The following PRORP variants were observed in gnomAD, a reference collection of about 807,000 sequenced individuals.
PRORP encodes mitochondrial ribonuclease P catalytic subunit.
Under a neutral mutation model 59.4 loss-of-function variants are expected in PRORP, and 51 were observed. The ratio of observed to expected loss-of-function variants is 0.86; its 90% CI spans 0.69 to 1.08. The LOEUF is 1.08. PRORP is among the 50% of genes least tolerant of loss of function. The pLI is 0.00. For missense variants in PRORP, 646 were observed against 690.3 expected (o/e 0.94, Z 0.72); for synonymous variants, 231 against 245.6 (o/e 0.94, Z 0.55).
chr14:35,187,532 C>T (rs372532276), intron 5 of PRORP, among the ~76,000 whole-genome samples: 39 of 150,930 alleles, frequency 2.6e-4, no homozygotes, highest in African/African-American at 9.2e-4. Flanking sequence ...AAGCAATTCT[C>T]GTGGCTCAGA....
intron 4 of PRORP, among the ~76,000 whole-genome samples, chr14:35,177,386 G>A (rs1344616621): frequency 6.6e-6 from 1 of 151,884 alleles, no homozygotes; most frequent in Admixed American, 6.6e-5. Flanking sequence ...ACTTTTTTTG[G>A]TTTGTAGGCT....
In PRORP at chr14:35,167,483, C is replaced by G. The variant is rs570127347; in HGVS notation, c.1168-13187C>G. On this transcript the variant is annotated intron_variant, in intron 4 of 7. Coordinates refer to ENST00000534898, the MANE Select transcript of PRORP (RefSeq NM_014672.4). ...AGGAGAACTCTCCCAAACATCTCTT[C>G]TCTTTAGTTTACAGTACTGTTGCCA... 3.9e-5 allele frequency among the ~76,000 whole-genome samples: 6 copies of G among 152,314 alleles called. No homozygotes were observed. The South Asian group carries it at 1.2e-3, about 32-fold the overall frequency.
chr14:35,246,944 A>G lies in PRORP; in HGVS notation c.1276-19783A>G, dbSNP rs1026336866. On this transcript the variant is annotated intron_variant, in intron 5 of 7. Transcript: ENST00000534898. ...CTAATCCCGTCCCGATTGCGTAGTA[A>G]TAGCTAACATTTATTGAGTATTTTC... 5.3e-5 allele frequency among the ~76,000 whole-genome samples: 8 copies of G among 152,242 alleles called. No homozygotes were observed. The East Asian group carries it at 1.5e-3, about 29-fold the overall frequency.
chr14:35,217,908 G>A (rs1487749471), intron 5 of PRORP, among the ~76,000 whole-genome samples: 2 of 152,032 alleles, frequency 1.3e-5, no homozygotes, highest in Non-Finnish European at 2.9e-5. Flanking sequence ...TTTCTAAGTT[G>A]TTTTGGCTAT....
intron 4 of PRORP, chr14:35,157,982 T>C: frequency 4.7e-6 from 1 of 212,140 alleles, no homozygotes; most frequent in Non-Finnish European, 1.0e-5. Context: ...CTTCCCAGTT[T>C]GCATCCTCAT....
chr14:35,210,409 C>A (rs2049408380), intron 5 of PRORP, among the ~76,000 whole-genome samples: 2 of 152,030 alleles, frequency 1.3e-5, no homozygotes, highest in South Asian at 4.1e-4. Context: ...GGTACAAAGT[C>A]ATATAAAATA....
intron 5 of PRORP, among the ~76,000 whole-genome samples, chr14:35,260,275 G>GAAAAAATAAAATT (rs1181895939): frequency 2.0e-5 from 3 of 151,888 alleles, no homozygotes; most frequent in Non-Finnish European, 4.4e-5. Context: ...AAGAAAGAAA[G>GAAAAAATAAAATT]AAAAAATAAA....
intron 5 of PRORP, among the ~76,000 whole-genome samples, chr14:35,210,750 C>CTTTTTTTTTTTTTTTTTTTT (rs71435870): frequency 8.8e-5 from 3 of 34,068 alleles, no homozygotes; most frequent in Non-Finnish European, 1.5e-4. Flanking sequence ...TTTCTTTTGC[C>CTTTTTTTTTTTTTTTTTTTT]TTTTTTTTTT....
chr14:35,132,599 A>G (rs914914615), intron 4 of PRORP, among the ~76,000 whole-genome samples: 2 of 152,158 alleles, frequency 1.3e-5, no homozygotes, highest in Non-Finnish European at 2.9e-5. Flanking sequence ...AGCCTGGCCA[A>G]CATGGTGAAA....
chr14:35,150,723 A>G (rs1038725607), intron 4 of PRORP, among the ~76,000 whole-genome samples: 27 of 152,152 alleles, frequency 1.8e-4, no homozygotes, highest in African/African-American at 5.6e-4. Flanking sequence ...AAGGAAATGA[A>G]AATTATGTGT....
intron 4 of PRORP, among the ~76,000 whole-genome samples, chr14:35,136,170 T>A (rs1014287459): frequency 6.6e-6 from 1 of 151,908 alleles, no homozygotes; most frequent in Non-Finnish European, 1.5e-5. Context: ...TTTGAGAACA[T>A]TTTAGGAGAT....
intron 5 of PRORP, among the ~76,000 whole-genome samples, chr14:35,243,971 G>T (rs1314919666): frequency 6.6e-6 from 1 of 152,048 alleles, no homozygotes; most frequent in African/African-American, 2.4e-5. Flanking sequence ...AAAAAAAGAG[G>T]CTTAAAACAG....
In PRORP at chr14:35,270,471, G is replaced by C; in HGVS notation, c.1495G>C (p.Asp499His). ...SGNHCRFITRDLMRDHKACLP... is the reference protein window; with the variant it reads ...SGNHCRFITRHLMRDHKACLP... ...GAATCACTGCAGGTTTATCACAAGAGACCTGATGCGGGACCACAAGGCCTG... is the reference window on the plus strand; with the variant it reads ...GAATCACTGCAGGTTTATCACAAGACACCTGATGCGGGACCACAAGGCCTG... Residue 499 changes from aspartate (D) to histidine (H), a missense_variant, in exon 7 of 8, where the codon GAC (aspartate) becomes CAC (histidine). Coordinates refer to ENST00000534898, the MANE Select transcript of PRORP (RefSeq NM_014672.4). The C allele has an allele frequency of 6.2e-7, 1 of 1,614,128 alleles. No individual in the cohort carries two copies. Among genetic ancestry groups the C allele is most frequent in the Non-Finnish European group, 8.5e-7 (1 of 1,180,018 alleles).
At chr14:35,152,379 C>CT (rs2047780155) in intron 4 of PRORP, among the ~76,000 whole-genome samples, 2 of 152,058 alleles carry the variant, frequency 1.3e-5, no homozygotes, top group South Asian at 4.2e-4. Flanking sequence ...TTTTCCCCAC[C>CT]TTTCCCCCTT....
At chr14:35,193,554 G>A (rs556266529) in intron 5 of PRORP, among the ~76,000 whole-genome samples, 16 of 150,776 alleles carry the variant, frequency 1.1e-4, no homozygotes, top group Non-Finnish European at 2.2e-4. Context: ...ATAACCTCTT[G>A]TAAAAGTTTC....
intron 5 of PRORP, among the ~76,000 whole-genome samples, chr14:35,200,377 A>G (rs2049117192): frequency 1.3e-5 from 2 of 152,008 alleles, no homozygotes; most frequent in Admixed American, 6.6e-5. Flanking sequence ...TTTTTAGTAG[A>G]GGCAGGGTTT....
chr14:35,191,771 A>G (rs900961115), intron 5 of PRORP, among the ~76,000 whole-genome samples: 8 of 152,144 alleles, frequency 5.3e-5, no homozygotes, highest in Non-Finnish European at 1.2e-4. Context: ...TGGCACTACT[A>G]TCCACCAAAT....
chr14:35,188,830 G>C (rs1052030798), intron 5 of PRORP, among the ~76,000 whole-genome samples: 3 of 151,532 alleles, frequency 2.0e-5, no homozygotes, highest in Admixed American at 6.6e-5. Context: ...ACAAAAATTA[G>C]CTGGGTGTGG....
At chr14:35,169,509 T>G (rs148747242) in intron 4 of PRORP, among the ~76,000 whole-genome samples, 7 of 150,626 alleles carry the variant, frequency 4.6e-5, no homozygotes, top group African/African-American at 1.2e-4. Flanking sequence ...TTAGGAAACT[T>G]ACAATGATGG....
Sources: gnomAD v4.1 joint callset for allele counts (sites outside exome capture counted in the v4.1 genomes callset) on GRCh38, gnomAD v4.1.1 for gene constraint, MANE v1.5 for transcripts, NCBI Gene and HGNC (gene_info 2026-07-23, HGNC 2026-07-21) for gene names.